RBM25: variants seen among roughly 807,000 people sequenced by gnomAD.
RBM25 encodes the protein RNA binding motif protein 25.
Under a neutral mutation model 120.7 loss-of-function variants are expected in RBM25, and 19 were observed. The observed-to-expected ratio is 0.16, with a 90% confidence interval of 0.11 to 0.23. RBM25 has a LOEUF of 0.23. Among genes scored for constraint, RBM25 ranks in the 10% least tolerant of loss-of-function variants. The pLI, the probability that RBM25 is intolerant of heterozygous loss-of-function variation, is 1.00. For missense variants in RBM25, 605 were observed against 1,041.5 expected, an observed-to-expected ratio of 0.58 and a Z score of 5.77; for synonymous variants, 390 against 326.7, an observed-to-expected ratio of 1.19 and a Z score of -2.09.
At chr14:73,104,210 C>T (rs1171389520) in intron 10 of RBM25, among the ~76,000 whole-genome samples, 7 of 152,006 alleles carry the variant, frequency 4.6e-5, no homozygotes, top group African/African-American at 1.7e-4. Context: ...AGCACCACGT[C>T]TTTTTAGCCC....
chr14:73,111,884 T>C, intron 16 of RBM25, 82 bp downstream of exon 16: 1 of 1,411,498 alleles, frequency 7.1e-7, no homozygotes, highest in Non-Finnish European at 9.5e-7. Flanking sequence ...AAAAAAAACC[T>C]CATTTGATTC....
At chr14:73,084,905 A>G (rs1174015296) in intron 5 of RBM25, among the ~76,000 whole-genome samples, 1 of 151,966 alleles carries the variant, frequency 6.6e-6, no homozygotes, top group African/African-American at 2.4e-5. Context: ...AATACTATAA[A>G]GGTAGTATTC....
chr14:73,082,506 G>A (rs1895586310), intron 4 of RBM25, among the ~76,000 whole-genome samples: 1 of 152,012 alleles, frequency 6.6e-6, no homozygotes, highest in African/African-American at 2.4e-5. Context: ...GCCCAGGCTG[G>A]TCTTGAACTC....
rs377399576 is a variant in RBM25 at position 73,076,365 on chromosome 14, A to C, written c.153A>C (p.Pro51=). Residue 51 remains proline (P), a synonymous_variant, in exon 3 of 19, where the codon CCA becomes CCC. Coordinates refer to ENST00000261973, the MANE Select transcript of RBM25 (RefSeq NM_021239.3). ...CAATGAGCATTATGGCTCCTGCTCC[A>C]ACTGTAAGTATAACTTAAAGGAGGA... ...PVPMSIMAPA[P]TVLVPTVSMV... 156 of 1,610,710 alleles carry C rather than the reference A, an allele frequency of 9.7e-5. No individual in the cohort carries two copies. The South Asian group carries it at 1.5e-3, about 16-fold the overall frequency.
intron 7 of RBM25, 93 bp downstream of exon 7, chr14:73,097,193 TTTC>T (rs879129196): frequency 0.01 from 4,385 of 433,920 alleles, 350 homozygotes; most frequent in East Asian, 0.074. Flanking sequence ...TCTTTTTTCT[TTTC>T]TTTTTTTTTT....
In RBM25 at chr14:73,084,053, A is replaced by G. The variant is rs931166385; in HGVS notation, c.382+502A>G. Among the ~76,000 whole-genome samples the G allele has an allele frequency of 3.3e-5, 5 of 152,128 alleles. No individual in the cohort carries two copies. The East Asian group carries it at 9.7e-4, about 29-fold the overall frequency. ...GCTGGGATTACAGGTGTGCGCCACC[A>G]TGCCCGGCTAATTTTTGTATTTTTA... On this transcript the variant is annotated intron_variant, in intron 5 of 18. Transcript: ENST00000261973.
rs538309015 is a variant in RBM25, at chr14:73,108,999, T to G, written c.1542-343T>G. 20 of 159,800 alleles carry G rather than the reference T, an allele frequency of 1.3e-4. No homozygotes were observed. The South Asian group carries it at 3.5e-3, about 28-fold the overall frequency. 9.9% of individuals were successfully genotyped at this position (159,800 alleles called of 1,614,324 possible). A position where few individuals can be genotyped will look rare whatever the true frequency, so the allele number is the denominator to read the frequency against. On this transcript the variant is annotated intron_variant, in intron 13 of 18. Coordinates refer to ENST00000261973, the MANE Select transcript of RBM25 (RefSeq NM_021239.3). Reference sequence around the variant, plus strand: ...ATGCTACTTGATATATTTTTTTAGGTTGGTATCTAGGAAAACGAAAATTAT... The same window carrying G: ...ATGCTACTTGATATATTTTTTTAGGGTGGTATCTAGGAAAACGAAAATTAT...
At chr14:73,112,389 T>A (rs939672165) in intron 17 of RBM25, 139 bp downstream of exon 17, 39 of 795,894 alleles carry the variant, frequency 4.9e-5, no homozygotes, top group Non-Finnish European at 6.3e-5. Flanking sequence ...TCTGCTTTTT[T>A]AAAGTTATTT....
Sources: allele counts gnomAD v4.1 joint callset (sites outside exome capture counted in the v4.1 genomes callset), GRCh38; gene constraint gnomAD v4.1.1; transcripts MANE v1.5; gene names NCBI Gene and HGNC (gene_info 2026-07-23, HGNC 2026-07-21).